LRP5: variants seen among roughly 807,000 people sequenced by gnomAD.
LRP5 encodes the protein LDL receptor related protein 5.
A neutral mutation model predicts 154.1 loss-of-function variants in LRP5; 62 were observed. That is an observed-to-expected ratio of 0.40 (90% CI 0.33 to 0.50). The LOEUF is 0.50. Among genes scored for constraint, LRP5 ranks in the 20% least tolerant of loss-of-function variants. The pLI is 0.55. For synonymous variants in LRP5, 966 were observed against 1,011.5 expected (o/e 0.96, Z 0.85); for missense variants, 1,915 against 2,336.7 (o/e 0.82, Z 3.72).
intron 7 of LRP5, among the ~76,000 whole-genome samples, chr11:68,396,719 T>A (rs1184704617): frequency 4.7e-5 from 3 of 64,282 alleles, no homozygotes; most frequent in Non-Finnish European, 9.4e-5. Flanking sequence ...GCAGCCTGAC[T>A]GACACACACA....
rs2098660974 is a variant in LRP5, at chr11:68,413,846, C to T, written c.2661C>T (p.Asp887=). The T allele has an allele frequency of 1.9e-6, 3 of 1,613,720 alleles. No individual in the cohort carries two copies. The highest frequency in any genetic ancestry group is 2.5e-6 in the Non-Finnish European group (3 of 1,180,044). ...GCACCCTCATCCAGGGCCACCTGGA[C>T]TTCGTGATGGACATCCTGGTGTTCC... ...RNRTLIQGHL[D]FVMDILVFHS... Residue 887 remains aspartate, a synonymous_variant, in exon 12 of 23, where the codon GAC becomes GAT. Transcript: ENST00000294304. The surrounding 1 kb of genome is among the most constrained non-coding windows in gnomAD (Gnocchi z 5.1).
intron 7 of LRP5, among the ~76,000 whole-genome samples, chr11:68,397,764 C>T (rs77020014): frequency 0.015 from 2,252 of 152,352 alleles, 51 homozygotes; most frequent in African/African-American, 0.051. Flanking sequence ...TGACCCCTGA[C>T]GGGGACTCAG....
At chr11:68,380,313 T>C (rs1276840454) in intron 5 of LRP5, among the ~76,000 whole-genome samples, 1 of 152,192 alleles carries the variant, frequency 6.6e-6, no homozygotes, top group Admixed American at 6.5e-5. Flanking sequence ...ATTTGCATTT[T>C]AGTGTCCATA....
Position 68,325,659 on chromosome 11 carries a change from G to C in LRP5, c.91+12854G>C, listed in dbSNP as rs367584613. ...GTAGCGAGCTGCAGGTGCAGGGTCG[G>C]GGTCCTGGGGGTTGCGTGTATGCGC... On this transcript the variant is annotated intron_variant, in intron 1 of 22. Transcript: ENST00000294304. 3.3e-5 allele frequency among the ~76,000 whole-genome samples: 5 copies of C among 152,344 alleles called. No homozygotes were observed. In the East Asian group the frequency reaches 9.7e-4, roughly 29 times the overall value.
chr11:68,334,531 C>T (rs980461972), intron 1 of LRP5, among the ~76,000 whole-genome samples: 15 of 152,254 alleles, frequency 9.9e-5, no homozygotes, highest in South Asian at 6.2e-4. Context: ...GGTACTGCCA[C>T]ACACACATGC....
intron 16 of LRP5, among the ~76,000 whole-genome samples, chr11:68,427,653 C>G (rs982599304): frequency 2.6e-5 from 4 of 151,556 alleles, no homozygotes; most frequent in Non-Finnish European, 5.9e-5. Context: ...GCACTCCAGC[C>G]TAGGCAATAG....
intron 1 of LRP5, 107 bp from the exon 2 acceptor site, chr11:68,347,740 C>A: frequency 7.4e-7 from 1 of 1,355,830 alleles, no homozygotes; most frequent in Non-Finnish European, 1.0e-6. Context: ...AGGTCTTGGG[C>A]ATGGGCAGGG....
chr11:68,299,048 C>G, the LRP5 span, among the ~76,000 whole-genome samples: 1 of 152,220 alleles, frequency 6.6e-6, no homozygotes, highest in African/African-American at 2.4e-5. Context: ...GCCCCTACAG[C>G]CTCTCTACCT....
At chr11:68,420,765 C>T (rs538112562) in intron 13 of LRP5, among the ~76,000 whole-genome samples, 4 of 151,832 alleles carry the variant, frequency 2.6e-5, no homozygotes, top group South Asian at 2.1e-4. Context: ...TATCCATCCA[C>T]GGGTGCTAGG....
At chr11:68,352,063 G>A (rs561997372) in intron 2 of LRP5, among the ~76,000 whole-genome samples, 2 of 152,270 alleles carry the variant, frequency 1.3e-5, no homozygotes, top group East Asian at 1.9e-4. Flanking sequence ...GCTCTGACTC[G>A]TGCTGGAAGG....
chr11:68,438,659 G>A lies in LRP5; in HGVS notation c.4325G>A (p.Gly1442Asp). The change falls in exon 20 of 23, where the codon GGT becomes GAT. Residue 1442 changes from glycine (G) to aspartate (D), a missense_variant. By Grantham distance (94) the Gly-to-Asp change is moderately conservative. Coordinates refer to ENST00000294304, the MANE Select transcript of LRP5 (RefSeq NM_002335.4). ...HVPLNFIAPG[G>D]SQHGPFTGIA... is the part of the protein sequence containing the mutation. The stretch of plus-strand genomic sequence containing the variant: ...CCCCTCAATTTCATAGCCCCGGGCG[G>A]TTCCCAGCATGGCCCCTTCACAGGT... 6.2e-7 allele frequency: 1 copy of A among 1,613,104 alleles called. No homozygotes were observed. Among genetic ancestry groups the A allele is most frequent in the Non-Finnish European group, 8.5e-7 (1 of 1,179,982 alleles).
intron 2 of LRP5, among the ~76,000 whole-genome samples, chr11:68,349,062 C>T (rs1175775583): frequency 1.6e-5 from 2 of 128,458 alleles, no homozygotes; most frequent in Non-Finnish European, 3.2e-5. Context: ...GAGATGGAGT[C>T]TCCCTTGTTG....
chr11:68,415,275 T>G (rs1042979623), intron 12 of LRP5, among the ~76,000 whole-genome samples: 10 of 152,186 alleles, frequency 6.6e-5, no homozygotes, highest in African/African-American at 2.2e-4. Context: ...ACTGACACCC[T>G]CGAGGAGTGT....
intron 7 of LRP5, among the ~76,000 whole-genome samples, chr11:68,391,088 C>A (rs1365927748): frequency 6.6e-6 from 1 of 152,200 alleles, no homozygotes; most frequent in African/African-American, 2.4e-5. Flanking sequence ...CCTGCCTCAG[C>A]CTCCCACATA....
chr11:68,338,705 T>G (rs2098607071), intron 1 of LRP5, among the ~76,000 whole-genome samples: 2 of 152,128 alleles, frequency 1.3e-5, no homozygotes, highest in Admixed American at 1.3e-4. Context: ...GAAAGTGTTC[T>G]ACGCCCGATT....
the LRP5 span, among the ~76,000 whole-genome samples, chr11:68,300,124 G>T: frequency 6.7e-6 from 1 of 148,434 alleles, no homozygotes; most frequent in Admixed American, 6.8e-5. Context: ...CTCATGATCC[G>T]CCCACCTTGG....
intron 7 of LRP5, among the ~76,000 whole-genome samples, chr11:68,392,005 C>T (rs1307400507): frequency 6.6e-6 from 1 of 152,144 alleles, no homozygotes; most frequent in Admixed American, 6.5e-5. Context: ...CCACACCCAG[C>T]TAGTTTTTGT....
At chr11:68,303,031 T>G in the LRP5 span, among the ~76,000 whole-genome samples, 1 of 152,194 alleles carries the variant, frequency 6.6e-6, no homozygotes, top group African/African-American at 2.4e-5. Context: ...CGGAGGCAGC[T>G]GAGGTGGGAG....
chr11:68,438,803 A>G (rs931529511), intron 20 of LRP5, 121 bp downstream of exon 20: 66 of 824,490 alleles, frequency 8.0e-5, no homozygotes, highest in Middle Eastern at 3.4e-4. Flanking sequence ...GACATTGCTA[A>G]TCGATCACAG....
Sources: allele counts gnomAD v4.1 joint callset (sites outside exome capture counted in the v4.1 genomes callset), GRCh38; gene constraint gnomAD v4.1.1; non-coding constraint Gnocchi (gnomAD v3.1); transcripts MANE v1.5; gene names NCBI Gene and HGNC (gene_info 2026-07-23, HGNC 2026-07-21).